LRRC4C: variants seen among roughly 807,000 people sequenced by gnomAD.
The protein encoded by LRRC4C is leucine rich repeat containing 4C.
A neutral mutation model predicts 33.6 loss-of-function variants in LRRC4C; 5 were observed. The observed-to-expected ratio is 0.15, with a 90% confidence interval of 0.08 to 0.31. The LOEUF is 0.31. Among genes scored for constraint, LRRC4C ranks in the 10% least tolerant of loss-of-function variants. LRRC4C has a pLI of 1.00. For synonymous variants in LRRC4C, 329 were observed against 302.0 expected, an observed-to-expected ratio of 1.09 and a Z score of -0.93; for missense variants, 560 against 796.7, an observed-to-expected ratio of 0.70 and a Z score of 3.58.
intron 1 of LRRC4C, among the ~76,000 whole-genome samples, chr11:41,004,686 T>G (rs1393055511): frequency 6.6e-6 from 1 of 152,142 alleles, no homozygotes; most frequent in Non-Finnish European, 1.5e-5. Flanking sequence ...AATGGATGAA[T>G]GCATCAGTGT....
chr11:40,684,669 T>G (rs2136353641), intron 2 of LRRC4C, among the ~76,000 whole-genome samples: 1 of 152,038 alleles, frequency 6.6e-6, no homozygotes, highest in South Asian at 2.1e-4. Flanking sequence ...TGTAGTGAAT[T>G]TATTTGCAAT....
intron 3 of LRRC4C, among the ~76,000 whole-genome samples, chr11:40,423,257 A>T (rs1358186742): frequency 6.6e-6 from 1 of 152,046 alleles, no homozygotes. Context: ...TACACTGCGA[A>T]TAGCACATAG....
chr11:41,028,570 GACACAC>G (rs57827895), intron 1 of LRRC4C, among the ~76,000 whole-genome samples: 4,224 of 147,298 alleles, frequency 0.029, 90 homozygotes, highest in African/African-American at 0.051. Flanking sequence ...TAGTATTCAC[GACACAC>G]ACACACACAC....
intron 1 of LRRC4C, among the ~76,000 whole-genome samples, chr11:40,969,255 AT>A (rs2136966692): frequency 6.7e-6 from 1 of 148,854 alleles, no homozygotes. Context: ...TTGTGATAAA[AT>A]TTGAATGGTT....
intron 4 of LRRC4C, among the ~76,000 whole-genome samples, chr11:40,255,060 C>G (rs944356328): frequency 6.6e-6 from 1 of 152,102 alleles, no homozygotes; most frequent in African/African-American, 2.4e-5. Flanking sequence ...CATGGCCTCC[C>G]AAAGCTCTGG....
intron 1 of LRRC4C, among the ~76,000 whole-genome samples, chr11:41,270,983 C>T (rs1290190084): frequency 6.6e-6 from 1 of 151,994 alleles, no homozygotes; most frequent in Non-Finnish European, 1.5e-5. Context: ...TCCCCTTTCT[C>T]CTATAAATCA....
At chr11:41,347,583 G>A (rs1033052855) in intron 1 of LRRC4C, among the ~76,000 whole-genome samples, 1 of 152,190 alleles carries the variant, frequency 6.6e-6, no homozygotes, top group South Asian at 2.1e-4. Context: ...GGATGGAATC[G>A]ATTTCTATCA....
chr11:40,223,594 G>T (rs947082606), intron 5 of LRRC4C, among the ~76,000 whole-genome samples: 1 of 152,138 alleles, frequency 6.6e-6, no homozygotes, highest in Non-Finnish European at 1.5e-5. Context: ...CCAAGGCTGG[G>T]CTCAGAGTGT....
At chr11:41,016,810 C>T (rs1026658521) in intron 1 of LRRC4C, among the ~76,000 whole-genome samples, 2 of 152,108 alleles carry the variant, frequency 1.3e-5, no homozygotes, top group Non-Finnish European at 2.9e-5. Context: ...CATTTTTTGT[C>T]CTCTGAATTG....
At chr11:40,767,322 T>C (rs114329091) in intron 2 of LRRC4C, among the ~76,000 whole-genome samples, 1,924 of 152,164 alleles carry the variant, frequency 0.013, 54 homozygotes, top group African/African-American at 0.044. Context: ...CCCAGATATA[T>C]AAAGCAAATA....
intron 3 of LRRC4C, among the ~76,000 whole-genome samples, chr11:40,464,519 A>G (rs1049678557): frequency 5.9e-5 from 9 of 152,104 alleles, no homozygotes; most frequent in Non-Finnish European, 1.2e-4. Context: ...TCAAATTGGA[A>G]AAGAGGAAGT....
intron 5 of LRRC4C, among the ~76,000 whole-genome samples, chr11:40,197,303 T>C (rs930455346): frequency 2.2e-4 from 33 of 152,194 alleles, no homozygotes; most frequent in African/African-American, 6.8e-4. Context: ...CATGGGAGTT[T>C]ATAATTAATC....
At chr11:41,084,667 G>T (rs1565368759) in intron 1 of LRRC4C, among the ~76,000 whole-genome samples, 1 of 152,080 alleles carries the variant, frequency 6.6e-6, no homozygotes, top group Non-Finnish European at 1.5e-5. Flanking sequence ...TGGCCAACAT[G>T]GTGAAACCCC....
chr11:40,922,203 C>A (rs1206622324), intron 2 of LRRC4C, among the ~76,000 whole-genome samples: 1 of 152,088 alleles, frequency 6.6e-6, no homozygotes, highest in East Asian at 1.9e-4. Context: ...CCTCCCCATA[C>A]CTTACCACTC....
chr11:41,366,673 GAAGTAATT>G (rs1952557477), intron 1 of LRRC4C, among the ~76,000 whole-genome samples: 1 of 152,020 alleles, frequency 6.6e-6, no homozygotes, highest in Non-Finnish European at 1.5e-5. Flanking sequence ...GGTCTTTAAG[GAAGTAATT>G]AAGTTAAAAT....
At chr11:41,057,303 G>T (rs11036207) in intron 1 of LRRC4C, among the ~76,000 whole-genome samples, 15,356 of 152,192 alleles carry the variant, frequency 0.1, 831 homozygotes, top group South Asian at 0.17. Context: ...GTCCCTTGCC[G>T]CCTAAGACCC....
At position 40,114,931 on chromosome 11, in the gene LRRC4C, A is replaced by G; in HGVS notation, c.1362T>C (p.Phe454=). 6.2e-7 allele frequency: 1 copy of G among 1,614,200 alleles called. No homozygotes were observed. The highest frequency in any genetic ancestry group is 8.5e-7 in the Non-Finnish European group (1 of 1,180,036). Residue 454 remains phenylalanine, a synonymous_variant, in exon 7 of 7, where the codon TTT becomes TTC. Coordinates refer to ENST00000528697, the MANE Select transcript of LRRC4C (RefSeq NM_001258419.2). ...TAATTTPFSY[F]STVTVETMEP... is the part of the protein sequence containing the mutation. ...CCATAGTCTCTACTGTGACGGTTGA[A>G]AAGTAAGAGAAAGGAGTAGTGGTTG... is the stretch of plus-strand genomic sequence containing the variant.
chr11:41,016,584 C>T (rs1855600236), intron 1 of LRRC4C, among the ~76,000 whole-genome samples: 1 of 152,156 alleles, frequency 6.6e-6, no homozygotes, highest in Non-Finnish European at 1.5e-5. Flanking sequence ...CAACATGACA[C>T]TCAGGTGGAA....
At chr11:40,567,456 A>G (rs979685835) in intron 3 of LRRC4C, among the ~76,000 whole-genome samples, 1 of 152,194 alleles carries the variant, frequency 6.6e-6, no homozygotes, top group Non-Finnish European at 1.5e-5. Context: ...TGACGTAATT[A>G]TAATTGCTCC....
Sources: allele counts gnomAD v4.1 joint callset (sites outside exome capture counted in the v4.1 genomes callset), GRCh38; gene constraint gnomAD v4.1.1; transcripts MANE v1.5; gene names NCBI Gene and HGNC (gene_info 2026-07-23, HGNC 2026-07-21).